Variants in NOS1AP observed in about 807,000 individuals in gnomAD.
The protein encoded by NOS1AP is nitric oxide synthase 1 adaptor protein.
NOS1AP carries 21 observed loss-of-function variants against 56.2 expected under a neutral mutation model. The observed-to-expected ratio is 0.37, with a 90% CI of 0.26 to 0.54. The LOEUF (loss-of-function observed/expected upper bound fraction) is 0.54. Ranked by LOEUF, NOS1AP falls within the 20% of genes least tolerant of loss-of-function variation. The probability of loss-of-function intolerance (pLI) is 0.84; values close to 1 mark genes in which losing one functional copy is unlikely to be tolerated. For missense variants in NOS1AP, 522 were observed against 657.8 expected, an observed-to-expected ratio of 0.79 and a Z score of 2.26; for synonymous variants, 270 against 274.6, an observed-to-expected ratio of 0.98 and a Z score of 0.17.
intron 1 of NOS1AP, among the ~76,000 whole-genome samples, chr1:162,120,261 A>G (rs10082199): frequency 0.13 from 20,249 of 152,158 alleles, 1,788 homozygotes; most frequent in African/African-American, 0.25. Flanking sequence ...CTTTACATTC[A>G]TCAATTTTAT....
rs748016943 is a variant in NOS1AP at position 162,287,441 on chromosome 1, G to A, written c.270+5G>A. 6 of 1,598,450 alleles carry A rather than the reference G, an allele frequency of 3.8e-6. No individual in the cohort carries two copies. The highest frequency in any genetic ancestry group is 1.7e-5 in the Admixed American group (1 of 60,004). On this transcript the variant is annotated splice_donor_5th_base_variant and intron_variant, in intron 3 of 9. Transcript: ENST00000361897. The stretch of plus-strand genomic sequence containing the variant: ...ATTCTGAAGAAGAAGAAAAAGGTAA[G>A]TGGCTCTGAACCAGAATCTGAGGTG...
chr1:162,336,884 G>A (rs1243430521), intron 5 of NOS1AP, among the ~76,000 whole-genome samples: 1 of 152,180 alleles, frequency 6.6e-6, no homozygotes, highest in African/African-American at 2.4e-5. Flanking sequence ...GTGGTGGAGG[G>A]ACCCTAGCAC....
intron 2 of NOS1AP, among the ~76,000 whole-genome samples, chr1:162,166,923 C>T (rs898658289): frequency 6.6e-5 from 10 of 152,190 alleles, no homozygotes; most frequent in South Asian, 4.1e-4. Flanking sequence ...GGAAGCTCCT[C>T]GCCTACTAAT....
chr1:162,301,091 C>G (rs994467123), intron 4 of NOS1AP, among the ~76,000 whole-genome samples: 3 of 152,174 alleles, frequency 2.0e-5, no homozygotes, highest in African/African-American at 7.2e-5. Flanking sequence ...TCTCTTCCAC[C>G]TCTCTACCCC....
chr1:162,092,878 G>A (rs1228807032), intron 1 of NOS1AP, among the ~76,000 whole-genome samples: 6 of 152,164 alleles, frequency 3.9e-5, no homozygotes, highest in South Asian at 2.1e-4. Context: ...GAGGGGATAC[G>A]AGAAAAATGG....
At chr1:162,357,891 G>A (rs773081646) in intron 8 of NOS1AP, among the ~76,000 whole-genome samples, 1 of 148,676 alleles carries the variant, frequency 6.7e-6, no homozygotes, top group African/African-American at 2.4e-5. Flanking sequence ...CATCTTTCTT[G>A]GGAAGTCTGA....
At chr1:162,164,962 TA>T (rs1174824734) in intron 2 of NOS1AP, among the ~76,000 whole-genome samples, 2 of 152,204 alleles carry the variant, frequency 1.3e-5, no homozygotes, top group Non-Finnish European at 2.9e-5. Flanking sequence ...CACCTAATGT[TA>T]GTCTTCAATA....
At chr1:162,070,463 C>T (rs1691637586) in intron 1 of NOS1AP, among the ~76,000 whole-genome samples, 181 bp downstream of exon 1, 1 of 152,226 alleles carries the variant, frequency 6.6e-6, no homozygotes, top group Non-Finnish European at 1.5e-5. Context: ...CTGCCCAGAA[C>T]TGCTCAAGAG....
At chr1:162,339,941 A>G (rs532329256) in intron 5 of NOS1AP, among the ~76,000 whole-genome samples, 1 of 152,344 alleles carries the variant, frequency 6.6e-6, no homozygotes, top group African/African-American at 2.4e-5. Flanking sequence ...AGACTTTTTA[A>G]TGGTGAAGCA....
intron 2 of NOS1AP, among the ~76,000 whole-genome samples, chr1:162,175,566 C>T (rs1011832808): frequency 1.3e-5 from 2 of 152,098 alleles, no homozygotes; most frequent in African/African-American, 4.8e-5. Context: ...CTGCAAAGAG[C>T]CCTGACTCCT....
At chr1:162,289,537 G>T (rs1392990333) in intron 3 of NOS1AP, among the ~76,000 whole-genome samples, 3 of 138,616 alleles carry the variant, frequency 2.2e-5, no homozygotes, top group Non-Finnish European at 4.6e-5. Context: ...TGCAGTGGCG[G>T]GATCTCGGCT....
intron 8 of NOS1AP, chr1:162,364,384 A>G: frequency 2.0e-6 from 2 of 985,372 alleles, no homozygotes; most frequent in Non-Finnish European, 2.4e-6. Flanking sequence ...AGAACTCTTT[A>G]TTCACTTCTT....
intron 1 of NOS1AP, among the ~76,000 whole-genome samples, chr1:162,087,514 T>C (rs1195225522): frequency 1.3e-5 from 2 of 152,204 alleles, no homozygotes; most frequent in Admixed American, 1.3e-4. Flanking sequence ...CCATCCTTTG[T>C]TGGATCCATG....
chr1:162,079,260 A>G (rs115672892), intron 1 of NOS1AP, among the ~76,000 whole-genome samples: 3,063 of 152,280 alleles, frequency 0.02, 113 homozygotes, highest in African/African-American at 0.069. Context: ...AATTCCACTG[A>G]TGGATGTCCA....
At position 162,343,920 on chromosome 1, in the gene NOS1AP, C is replaced by A; in HGVS notation, c.539C>A (p.Ala180Glu). The change falls in exon 6 of 10, where the codon GCA (alanine) becomes GAA (glutamate). Residue 180 changes from alanine to glutamate, a missense_variant. Transcript: ENST00000361897. The stretch of plus-strand genomic sequence containing the variant: ...AGCCTGCAGCACACGCAGCAGAATG[C>A]AGATGGCCAGGAAGATGGAGAGAGC... ...KLSLQHTQQN[A>E]DGQEDGESER... 1 of 1,614,090 alleles carries A rather than the reference C, an allele frequency of 6.2e-7. No homozygotes were observed. Among genetic ancestry groups the A allele is most frequent in the South Asian group, 1.1e-5 (1 of 91,076 alleles).
intron 1 of NOS1AP, among the ~76,000 whole-genome samples, chr1:162,074,437 A>G (rs143511955): frequency 1.6e-4 from 24 of 152,312 alleles, no homozygotes; most frequent in African/African-American, 5.1e-4. Context: ...ACAGATGGTC[A>G]GAACTGGAAA....
Position 162,178,523 on chromosome 1 carries a change from G to A in NOS1AP, c.177+24047G>A, listed in dbSNP as rs80183813. On this transcript the variant is annotated intron_variant, in intron 2 of 9. Coordinates refer to ENST00000361897, the MANE Select transcript of NOS1AP (RefSeq NM_014697.3). ...CCTTTTAGCAACCCTATGAAGTAGG[G>A]CCTTCCACTTTATAGGTGAGGAGAC... 0.017 allele frequency among the ~76,000 whole-genome samples: 2,574 copies of A among 152,244 alleles called. 148 individuals are homozygous for A. The East Asian group carries it at 0.19, about 11-fold the overall frequency.
At chr1:162,211,788 AC>A (rs1652357190) in intron 2 of NOS1AP, among the ~76,000 whole-genome samples, 2 of 152,068 alleles carry the variant, frequency 1.3e-5, no homozygotes, top group Admixed American at 1.3e-4. Context: ...GGTTAAGGAA[AC>A]TGACAAGGGT....
At chr1:162,307,955 G>A (rs1655893471) in intron 4 of NOS1AP, among the ~76,000 whole-genome samples, 1 of 152,208 alleles carries the variant, frequency 6.6e-6, no homozygotes, top group South Asian at 2.1e-4. Flanking sequence ...GAGGTAATGT[G>A]TTTTGTTGTT....
Sources: gnomAD v4.1 joint callset for allele counts (sites outside exome capture counted in the v4.1 genomes callset) on GRCh38, gnomAD v4.1.1 for gene constraint, MANE v1.5 for transcripts, NCBI Gene and HGNC (gene_info 2026-07-23, HGNC 2026-07-21) for gene names.